The following GPC6 variants were observed in gnomAD, a reference collection of about 807,000 sequenced individuals.
GPC6 encodes glypican 6, also known as glypican-6.
In GPC6, 14 loss-of-function variants were observed where a neutral mutation model predicts 55.2. That is an observed-to-expected ratio of 0.25 (90% confidence interval 0.17 to 0.40). The LOEUF (loss-of-function observed/expected upper bound fraction) is 0.40. Ranked by LOEUF, GPC6 falls within the 10% of genes least tolerant of loss-of-function variation. The probability of loss-of-function intolerance (pLI) is 1.00; values close to 1 mark genes in which losing one functional copy is unlikely to be tolerated. For missense variants in GPC6, 641 were observed against 708.5 expected (o/e 0.90, Z 1.08); for synonymous variants, 278 against 259.6 (o/e 1.07, Z -0.68).
chr13:93,950,476 G>A (rs1310314628), intron 3 of GPC6, among the ~76,000 whole-genome samples: 1 of 152,102 alleles, frequency 6.6e-6, no homozygotes, highest in African/African-American at 2.4e-5. Context: ...GAATTCTACA[G>A]GTCCTTCTGA....
chr13:94,158,015 C>T (rs1407700192), intron 4 of GPC6, among the ~76,000 whole-genome samples: 1 of 152,126 alleles, frequency 6.6e-6, no homozygotes, highest in Non-Finnish European at 1.5e-5. Context: ...GTAATTCTAA[C>T]ACCCATTCCC....
chr13:93,469,134 T>C (rs749653851), intron 1 of GPC6, among the ~76,000 whole-genome samples: 1 of 152,216 alleles, frequency 6.6e-6, no homozygotes, highest in Non-Finnish European at 1.5e-5. Flanking sequence ...CTGAATATTA[T>C]GTATTTTTAG....
chr13:93,424,202 G>T (rs1362836284), intron 1 of GPC6, among the ~76,000 whole-genome samples: 1 of 152,064 alleles, frequency 6.6e-6, no homozygotes, highest in Non-Finnish European at 1.5e-5. Context: ...TAGTTGCCAC[G>T]AGGCCCTCAG....
At chr13:93,569,055 G>C (rs1423335612) in intron 2 of GPC6, among the ~76,000 whole-genome samples, 2 of 152,198 alleles carry the variant, frequency 1.3e-5, no homozygotes, top group African/African-American at 2.4e-5. Flanking sequence ...CATATGGGTA[G>C]AGCCTAACAC....
intron 3 of GPC6, among the ~76,000 whole-genome samples, chr13:93,921,334 C>A (rs1470074469): frequency 6.6e-6 from 1 of 152,190 alleles, no homozygotes; most frequent in Non-Finnish European, 1.5e-5. Context: ...GCTCCTTTAT[C>A]TCTGCTGTCT....
intron 1 of GPC6, among the ~76,000 whole-genome samples, chr13:93,388,561 G>A (rs903135761): frequency 1.3e-5 from 2 of 152,152 alleles, no homozygotes; most frequent in Admixed American, 6.5e-5. Context: ...CAATTAAGCT[G>A]AATAGAGTAG....
chr13:93,465,320 A>C (rs1240829772), intron 1 of GPC6, among the ~76,000 whole-genome samples: 1 of 152,212 alleles, frequency 6.6e-6, no homozygotes, highest in East Asian at 1.9e-4. Context: ...AAAGTCCTAC[A>C]TGGCATCTTA....
chr13:93,632,398 C>G (rs1043145935), intron 2 of GPC6, among the ~76,000 whole-genome samples: 2 of 151,710 alleles, frequency 1.3e-5, no homozygotes, highest in Non-Finnish European at 2.9e-5. Flanking sequence ...TCGCTTGAGC[C>G]CAGGAGTTTG....
chr13:93,952,876 A>ATATATCACACATATATATACG (rs1879327859), intron 3 of GPC6, among the ~76,000 whole-genome samples: 1 of 109,976 alleles, frequency 9.1e-6, no homozygotes, highest in Non-Finnish European at 2.1e-5. Context: ...ATATATATAC[A>ATATATCACACATATATATACG]TATATATATG....
intron 3 of GPC6, among the ~76,000 whole-genome samples, chr13:93,869,929 A>G (rs1418209698): frequency 6.6e-6 from 1 of 151,878 alleles, no homozygotes; most frequent in African/African-American, 2.4e-5. Context: ...GACCACTGCA[A>G]TGGAAGGAAC....
intron 4 of GPC6, among the ~76,000 whole-genome samples, chr13:94,235,021 A>T (rs1436790679): frequency 6.6e-6 from 1 of 152,186 alleles, no homozygotes; most frequent in Admixed American, 6.5e-5. Flanking sequence ...AGTTCTAGAG[A>T]TCTGTACAGC....
chr13:93,833,104 TGATAGAGAGAGAGAGAGA>T (rs1887584732), intron 3 of GPC6, among the ~76,000 whole-genome samples: 1 of 61,604 alleles, frequency 1.6e-5, no homozygotes, highest in African/African-American at 5.8e-5. Context: ...GATAGGTAGA[TGATAGAGAGAGAGAGAGA>T]GAGAGAGAGA....
intron 2 of GPC6, among the ~76,000 whole-genome samples, chr13:93,812,986 T>G (rs1444013574): frequency 6.6e-6 from 1 of 152,194 alleles, no homozygotes; most frequent in African/African-American, 2.4e-5. Context: ...TGTTGTGATA[T>G]GTAAATAATC....
At chr13:94,231,857 T>C (rs553363228) in intron 4 of GPC6, among the ~76,000 whole-genome samples, 7 of 152,156 alleles carry the variant, frequency 4.6e-5, no homozygotes, top group Non-Finnish European at 1.0e-4. Context: ...CTTGTGACTA[T>C]GTGAATAACT....
Position 94,185,600 on chromosome 13 carries a change from A to G in GPC6, c.878-100749A>G, listed in dbSNP as rs138945798. Among the ~76,000 whole-genome samples the G allele has an allele frequency of 2.6e-4, 40 of 152,170 alleles. 1 individual carries two copies. Among genetic ancestry groups the G allele is most frequent in the African/African-American group, 9.6e-4 (40 of 41,538 alleles). ...TACCTCATTGAAAAACATTTTCAAT[A>G]TAGGAATAAAAAGATACCATCAATG... is the stretch of plus-strand genomic sequence containing the variant. On this transcript the variant is annotated intron_variant, in intron 4 of 8. Coordinates refer to ENST00000377047, the MANE Select transcript of GPC6 (RefSeq NM_005708.5).
chr13:93,749,497 GTCTT>G (rs1884506046), intron 2 of GPC6, among the ~76,000 whole-genome samples: 1 of 151,612 alleles, frequency 6.6e-6, no homozygotes, highest in African/African-American at 2.4e-5. Context: ...CCTAGGATAG[GTCTT>G]TTACAACACA....
rs376444924 is a variant in GPC6, at chr13:93,581,021, G to A, written c.319+35600G>A. Among the ~76,000 whole-genome samples the A allele has an allele frequency of 8.5e-5, 13 of 152,168 alleles. No individual in the cohort carries two copies. The East Asian group carries it at 1.2e-3, about 14-fold the overall frequency. The stretch of plus-strand genomic sequence containing the variant: ...TGGAGTTTTCTGATGAGGAAAATAG[G>A]CGATTTTGAGCCATTATAATTGCTT... On this transcript the variant is annotated intron_variant, in intron 2 of 8. Coordinates refer to ENST00000377047, the MANE Select transcript of GPC6 (RefSeq NM_005708.5).
At chr13:94,267,333 A>G (rs1891849459) in intron 4 of GPC6, among the ~76,000 whole-genome samples, 1 of 152,222 alleles carries the variant, frequency 6.6e-6, no homozygotes, top group Non-Finnish European at 1.5e-5. Context: ...GTGTTAGTAA[A>G]TACGTACAGT....
intron 6 of GPC6, among the ~76,000 whole-genome samples, chr13:94,329,048 G>A (rs930194082): frequency 6.6e-6 from 1 of 152,200 alleles, no homozygotes; most frequent in African/African-American, 2.4e-5. Flanking sequence ...CTGAAATGGA[G>A]TTGGTGAGAT....
Sources: allele counts gnomAD v4.1 joint callset (sites outside exome capture counted in the v4.1 genomes callset), GRCh38; gene constraint gnomAD v4.1.1; transcripts MANE v1.5; gene names NCBI Gene and HGNC (gene_info 2026-07-23, HGNC 2026-07-21).